The following CCDC175 variants were observed in gnomAD, a reference collection of about 807,000 sequenced individuals.
CCDC175 encodes the protein coiled-coil domain containing 175.
A neutral mutation model predicts 114.6 loss-of-function variants in CCDC175; 100 were observed. The observed-to-expected ratio is 0.87, with a 90% CI of 0.74 to 1.03. The LOEUF is 1.03. CCDC175 is among the 50% of genes least tolerant of loss of function. CCDC175 has a pLI of 0.00. For missense variants in CCDC175, 880 were observed against 917.8 expected, an observed-to-expected ratio of 0.96 and a Z score of 0.53; for synonymous variants, 306 against 308.7, an observed-to-expected ratio of 0.99 and a Z score of 0.09.
At chr14:59,534,435 T>C (rs1956360) in intron 13 of CCDC175, among the ~76,000 whole-genome samples, 58,997 of 151,938 alleles carry the variant, frequency 0.39, 12,210 homozygotes, top group African/African-American at 0.52. Context: ...ATCCTGTGAG[T>C]TCTAGTTTGT....
chr14:59,542,133 C>T (rs1396895503), intron 10 of CCDC175, among the ~76,000 whole-genome samples: 4 of 152,140 alleles, frequency 2.6e-5, no homozygotes, highest in Non-Finnish European at 2.9e-5. Context: ...TGATATCATT[C>T]TCCCATACAA....
intron 16 of CCDC175, among the ~76,000 whole-genome samples, chr14:59,523,511 G>A (rs551989346): frequency 6.6e-6 from 1 of 152,222 alleles, no homozygotes; most frequent in East Asian, 1.9e-4. Context: ...GGGACACAAT[G>A]TATTATCCAC....
chr14:59,557,252 G>C (rs1421179296), intron 7 of CCDC175, among the ~76,000 whole-genome samples: 1 of 152,106 alleles, frequency 6.6e-6, no homozygotes, highest in African/African-American at 2.4e-5. Flanking sequence ...TTAAGAAAAT[G>C]TGGCACATAT....
intron 13 of CCDC175, among the ~76,000 whole-genome samples, chr14:59,534,356 T>C (rs1012903174): frequency 6.6e-6 from 1 of 152,110 alleles, no homozygotes; most frequent in Admixed American, 6.5e-5. Context: ...CTGATCCAGG[T>C]CCCCCATCTC....
chr14:59,513,461 C>T (rs1892867721), intron 17 of CCDC175, among the ~76,000 whole-genome samples: 1 of 152,182 alleles, frequency 6.6e-6, no homozygotes, highest in Admixed American at 6.5e-5. Context: ...TCAAGTCACT[C>T]CCACCCCAAT....
intron 8 of CCDC175, among the ~76,000 whole-genome samples, chr14:59,550,736 G>A (rs756330966): frequency 2.6e-5 from 4 of 152,106 alleles, no homozygotes; most frequent in Non-Finnish European, 5.9e-5. Flanking sequence ...ATGTAGTCTG[G>A]GAGGCTAAGC....
intron 14 of CCDC175, among the ~76,000 whole-genome samples, chr14:59,530,755 T>G (rs929778002): frequency 6.6e-6 from 1 of 152,216 alleles, no homozygotes; most frequent in Non-Finnish European, 1.5e-5. Flanking sequence ...TCCATATGAA[T>G]GTCCCATTTT....
At chr14:59,543,848 TCAC>T (rs1465947849) in intron 9 of CCDC175, among the ~76,000 whole-genome samples, 1 of 152,174 alleles carries the variant, frequency 6.6e-6, no homozygotes, top group Non-Finnish European at 1.5e-5. Flanking sequence ...GAAAGAATAT[TCAC>T]CACAATAGTA....
intron 17 of CCDC175, among the ~76,000 whole-genome samples, chr14:59,519,747 C>A (rs758377835): frequency 3.9e-5 from 6 of 152,206 alleles, no homozygotes; most frequent in Admixed American, 2.0e-4. Context: ...GTGGCTATGA[C>A]CCCTCCCCTT....
chr14:59,526,581 A>G (rs912280285), intron 15 of CCDC175, among the ~76,000 whole-genome samples: 10 of 151,842 alleles, frequency 6.6e-5, no homozygotes, highest in Non-Finnish European at 1.0e-4. Context: ...TTACATTTTG[A>G]TATCAATGCA....
intron 16 of CCDC175, among the ~76,000 whole-genome samples, chr14:59,524,417 T>TA (rs1416835319): frequency 6.6e-6 from 1 of 152,086 alleles, no homozygotes; most frequent in Non-Finnish European, 1.5e-5. Context: ...ACCTACTTTT[T>TA]AAAAAACGGG....
In CCDC175 at chr14:59,510,711, C is replaced by T. The variant is rs1892689979; in HGVS notation, c.2240G>A (p.Trp747Ter). ...CAGCCCTTCAAGACTCCCTCGTAGC[C>T]ATGTACTGACATGCTGCATTTTTTC... The part of the protein sequence containing the change: ...RDEKMQHVST[W>*]LRGSLEGLRL... The change falls in exon 19 of 20, where the codon TGG becomes TAG. Residue 747 changes from tryptophan to a stop codon, truncating the protein, a stop_gained. Coordinates refer to ENST00000537690, the MANE Select transcript of CCDC175 (RefSeq NM_001164399.2). LOFTEE classifies it high-confidence loss of function. 6.5e-7 allele frequency: 1 copy of T among 1,537,240 alleles called. No individual in the cohort carries two copies. Among genetic ancestry groups the T allele is most frequent in the Non-Finnish European group, 8.7e-7 (1 of 1,146,898 alleles).
intron 16 of CCDC175, among the ~76,000 whole-genome samples, chr14:59,522,901 G>A (rs757043019): frequency 6.6e-5 from 10 of 152,126 alleles, no homozygotes; most frequent in African/African-American, 1.2e-4. Context: ...AAAGGGCTGC[G>A]GCAGTATCTT....
chr14:59,548,783 A>T (rs1895267918), intron 8 of CCDC175, among the ~76,000 whole-genome samples: 1 of 152,232 alleles, frequency 6.6e-6, no homozygotes, highest in South Asian at 2.1e-4. Context: ...AGGGGAAGCC[A>T]TCTCTCATGC....
rs1004789556 is a variant in CCDC175 at position 59,563,748 on chromosome 14, C to T, written c.832G>A (p.Val278Ile). ...KMSKIKETVTVSAAVLSDHNL... is the reference protein window; with the variant it reads ...KMSKIKETVTISAAVLSDHNL... Reference sequence around the variant, plus strand: ...TTATTCTTTCTTACCGCTGCGGAAACAGTAACTGTTTCTTTTATTTTTGAC... The same window carrying T: ...TTATTCTTTCTTACCGCTGCGGAAATAGTAACTGTTTCTTTTATTTTTGAC... Residue 278 changes from valine to isoleucine, a missense_variant, in exon 6 of 20, where the codon GTT becomes ATT. Transcript: ENST00000537690. 1.4e-6 allele frequency: 2 copies of T among 1,415,746 alleles called. No homozygotes were observed. The highest frequency in any genetic ancestry group is 1.6e-5 in the South Asian group (1 of 64,134). The allele number at this position is 1,415,746 out of a possible 1,614,324, so 87.7% of individuals were successfully genotyped here. A position where few individuals can be genotyped will look rare whatever the true frequency, so the allele number is the denominator to read the frequency against.
chr14:59,506,286 T>C (rs1017534782), intron 19 of CCDC175, among the ~76,000 whole-genome samples: 54 of 151,378 alleles, frequency 3.6e-4, no homozygotes, highest in Admixed American at 6.6e-4. Context: ...TTTTTTTTTT[T>C]TTTTCTTTTT....
At chr14:59,530,010 C>G (rs762338059) in intron 14 of CCDC175, among the ~76,000 whole-genome samples, 13 of 152,142 alleles carry the variant, frequency 8.5e-5, no homozygotes, top group Non-Finnish European at 1.8e-4. Context: ...TACTTTTATA[C>G]TCCTACTGTT....
chr14:59,533,168 T>C (rs1048710044), intron 13 of CCDC175, among the ~76,000 whole-genome samples: 1 of 152,188 alleles, frequency 6.6e-6, no homozygotes, highest in Non-Finnish European at 1.5e-5. Flanking sequence ...AGAAACCCCA[T>C]GTTCATATAG....
Position 59,520,145 on chromosome 14 carries a change from C to T in CCDC175, c.2098+1429G>A, listed in dbSNP as rs146073864. ...AATTTGTCTTCAGCTACCATGTTTG[C>T]AATATTTGTCACAAAAGATAATATT... On this transcript the variant is annotated intron_variant, in intron 17 of 19. Coordinates refer to ENST00000537690, the MANE Select transcript of CCDC175 (RefSeq NM_001164399.2). 5.1e-4 allele frequency among the ~76,000 whole-genome samples: 78 copies of T among 152,244 alleles called. 2 individuals carry two copies. The East Asian group carries it at 0.01, about 20-fold the overall frequency.
Sources: allele counts gnomAD v4.1 joint callset (sites outside exome capture counted in the v4.1 genomes callset), GRCh38; gene constraint gnomAD v4.1.1; transcripts MANE v1.5; gene names NCBI Gene and HGNC (gene_info 2026-07-23, HGNC 2026-07-21).